LYRM7: variants seen among roughly 807,000 people sequenced by gnomAD.
LYRM7 encodes the protein LYR motif containing 7.
In LYRM7, 9 loss-of-function variants were observed where a neutral mutation model predicts 15.8. That is an observed-to-expected ratio of 0.57 (90% CI 0.34 to 0.99). The LOEUF is 0.99. LYRM7 is among the 50% of genes least tolerant of loss of function. The pLI is 0.02. For synonymous variants in LYRM7, 39 were observed against 39.4 expected, an observed-to-expected ratio of 0.99 and a Z score of 0.04; for missense variants, 115 against 119.1, an observed-to-expected ratio of 0.97 and a Z score of 0.16.
chr5:131,189,170 T>C (rs1389658220), intron 4 of LYRM7, among the ~76,000 whole-genome samples: 2 of 141,324 alleles, frequency 1.4e-5, no homozygotes, highest in Admixed American at 7.2e-5. Context: ...AGGCCAGGCG[T>C]GGTGGCTCAA....
At chr5:131,177,644 A>G (rs910783678) in intron 1 of LYRM7, among the ~76,000 whole-genome samples, 3 of 152,266 alleles carry the variant, frequency 2.0e-5, no homozygotes, top group East Asian at 3.9e-4. Context: ...GATTGTTCTC[A>G]TTATCAGCAT....
intron 2 of LYRM7, among the ~76,000 whole-genome samples, chr5:131,181,359 ATT>A (rs1471930374): frequency 7.9e-5 from 3 of 37,808 alleles, no homozygotes; most frequent in African/African-American, 6.5e-4. Context: ...TTATATATAT[ATT>A]AACATATATA....
In LYRM7 at chr5:131,171,007, C is replaced by A; in HGVS notation, c.-14C>A. ...TCGACTGCTCTGGAGGTAGCGGCCG[C>A]GGTGAGGAGAGCCATGGGACGGGCA... On this transcript the variant is annotated 5_prime_UTR_variant, in exon 1 of 5. Transcript: ENST00000379380. 6.5e-7 allele frequency: 1 copy of A among 1,544,718 alleles called. No individual in the cohort carries two copies. Among genetic ancestry groups the A allele is most frequent in the South Asian group, 1.2e-5 (1 of 80,882 alleles).
At chr5:131,193,573 T>A (rs1159040943) in intron 4 of LYRM7, among the ~76,000 whole-genome samples, 4 of 152,238 alleles carry the variant, frequency 2.6e-5, no homozygotes, top group Non-Finnish European at 5.9e-5. Flanking sequence ...AATATTTTAA[T>A]GTCCTTTAAA....
At chr5:131,197,541 CTTTT>C (rs60003952) in intron 4 of LYRM7, among the ~76,000 whole-genome samples, 20 of 90,746 alleles carry the variant, frequency 2.2e-4, no homozygotes, top group African/African-American at 8.2e-4. Context: ...TGTCTTCTGT[CTTTT>C]TTTTTTTTTT....
intron 3 of LYRM7, among the ~76,000 whole-genome samples, chr5:131,183,123 TA>T (rs33937900): frequency 2.6e-5 from 4 of 151,538 alleles, no homozygotes; most frequent in Non-Finnish European, 5.9e-5. Context: ...TCCAGATGTT[TA>T]AAAAAAACTG....
At chr5:131,182,768 C>G (rs369248793) in intron 3 of LYRM7, among the ~76,000 whole-genome samples, 2 of 152,286 alleles carry the variant, frequency 1.3e-5, no homozygotes, top group South Asian at 2.1e-4. Context: ...GTCACTTGCT[C>G]TAGTTGAAGA....
At chr5:131,193,143 A>T (rs902823595) in intron 4 of LYRM7, among the ~76,000 whole-genome samples, 1 of 152,244 alleles carries the variant, frequency 6.6e-6, no homozygotes, top group Non-Finnish European at 1.5e-5. Context: ...GCTGTTCTTT[A>T]GATGTATTTT....
At chr5:131,182,401 A>G in intron 3 of LYRM7, 102 bp downstream of exon 3, 1 of 1,081,124 alleles carries the variant, frequency 9.2e-7, no homozygotes, top group Non-Finnish European at 1.2e-6. Flanking sequence ...CCATTACTTG[A>G]TAGTTAAGGC....
chr5:131,195,819 CT>C (rs1755953869), intron 4 of LYRM7, among the ~76,000 whole-genome samples: 1 of 152,188 alleles, frequency 6.6e-6, no homozygotes, highest in Non-Finnish European at 1.5e-5. Context: ...AAGGCCACCC[CT>C]GGGCCCCTAA....
rs1007531459 is a variant in LYRM7, at chr5:131,204,423, A to G, written c.*4822A>G. On this transcript the variant is annotated 3_prime_UTR_variant, in exon 5 of 5. Coordinates refer to ENST00000379380, the MANE Select transcript of LYRM7 (RefSeq NM_181705.4). Reference sequence around the variant, plus strand: ...GGTACAATGAAAGAAAAGGTGGCTTATTTATACTCTGGAATATTTTCCAAG... The same window carrying G: ...GGTACAATGAAAGAAAAGGTGGCTTGTTTATACTCTGGAATATTTTCCAAG... 1.3e-5 allele frequency: 2 copies of G among 150,688 alleles called. No homozygotes were observed. The highest frequency in any genetic ancestry group is 4.9e-5 in the African/African-American group (2 of 41,196). 9.3% of individuals were successfully genotyped at this position (150,688 alleles called of 1,614,324 possible).
intron 2 of LYRM7, among the ~76,000 whole-genome samples, chr5:131,181,294 A>ATATATATATATAT (rs1221861213): frequency 6.1e-5 from 1 of 16,422 alleles, no homozygotes; most frequent in African/African-American, 1.5e-4. Flanking sequence ...AAAAAAAAAA[A>ATATATATATATAT]AAAAAAAAAT....
chr5:131,189,857 G>A (rs1347810194), intron 4 of LYRM7, among the ~76,000 whole-genome samples: 3 of 152,094 alleles, frequency 2.0e-5, no homozygotes, highest in Admixed American at 2.0e-4. Context: ...CTTGGGCTGG[G>A]CACTGTGGTT....
At chr5:131,196,102 C>CT (rs561484173) in intron 4 of LYRM7, among the ~76,000 whole-genome samples, 6,506 of 131,000 alleles carry the variant, frequency 0.05, 443 homozygotes, top group African/African-American at 0.14. Flanking sequence ...TTCTCCTGTT[C>CT]TTTTTTTTTT....
intron 2 of LYRM7, among the ~76,000 whole-genome samples, chr5:131,181,469 A>T (rs1755711891): frequency 7.5e-6 from 1 of 132,974 alleles, no homozygotes; most frequent in Admixed American, 8.5e-5. Flanking sequence ...ATATATGTAT[A>T]TATATATAAC....
At chr5:131,192,369 G>A (rs1159615695) in intron 4 of LYRM7, among the ~76,000 whole-genome samples, 1 of 152,062 alleles carries the variant, frequency 6.6e-6, no homozygotes, top group East Asian at 1.9e-4. Context: ...GCACTGTAGG[G>A]TAACTATAAT....
chr5:131,177,448 A>T (rs763614593), intron 1 of LYRM7, among the ~76,000 whole-genome samples: 2 of 152,188 alleles, frequency 1.3e-5, no homozygotes, highest in Non-Finnish European at 2.9e-5. Flanking sequence ...GAGACTTTGC[A>T]TTTCTGAAAA....
intron 2 of LYRM7, among the ~76,000 whole-genome samples, chr5:131,181,906 G>C (rs1048445239): frequency 6.6e-6 from 1 of 152,016 alleles, no homozygotes; most frequent in Admixed American, 6.6e-5. Context: ...GAAATCCTTA[G>C]ATTTGTAAAA....
chr5:131,201,524 C>T lies in LYRM7; in HGVS notation c.*1923C>T, dbSNP rs1756065878. ...CTGAGGTCAGGAGTTCTAGACCAGC[C>T]TGACCAACATGGGGAAACCCTGTCT... On this transcript the variant is annotated 3_prime_UTR_variant, in exon 5 of 5. Coordinates refer to ENST00000379380, the MANE Select transcript of LYRM7 (RefSeq NM_181705.4). The T allele has an allele frequency of 6.6e-6, 1 of 152,036 alleles. No individual in the cohort carries two copies. The highest frequency in any genetic ancestry group is 2.1e-4 in the South Asian group (1 of 4,826). 9.4% of individuals were successfully genotyped at this position (152,036 alleles called of 1,614,324 possible).
Sources: gnomAD v4.1 joint callset for allele counts (sites outside exome capture counted in the v4.1 genomes callset) on GRCh38, gnomAD v4.1.1 for gene constraint, MANE v1.5 for transcripts, NCBI Gene and HGNC (gene_info 2026-07-23, HGNC 2026-07-21) for gene names.